CXCR5: variants seen among roughly 807,000 people sequenced by gnomAD.
CXCR5 encodes C-X-C motif chemokine receptor 5.
Under a neutral mutation model 5.6 loss-of-function variants are expected in CXCR5, and 3 were observed. The ratio of observed to expected loss-of-function variants is 0.54; its 90% CI spans 0.24 to 1.39. The LOEUF is 1.39. Ranked by LOEUF, CXCR5 falls within the 40% of genes most tolerant of loss-of-function variation. The pLI, the probability that CXCR5 is intolerant of heterozygous loss-of-function variation, is 0.16. For synonymous variants in CXCR5, 218 were observed against 219.9 expected (o/e 0.99, Z 0.08); for missense variants, 333 against 494.6 (o/e 0.67, Z 3.10).
chr11:118,891,011 C>T (rs1416913175), intron 1 of CXCR5, among the ~76,000 whole-genome samples: 1 of 152,102 alleles, frequency 6.6e-6, no homozygotes, highest in Non-Finnish European at 1.5e-5. Flanking sequence ...CTGTAGTGTG[C>T]TATGGTCACA....
At position 118,895,890 on chromosome 11, in the gene CXCR5, CCCT is replaced by C. The variant is rs2137663940; in HGVS notation, c.*1228_*1230del. The C allele has an allele frequency of 6.0e-6, 1 of 167,190 alleles. No homozygotes were observed. The highest frequency in any genetic ancestry group is 2.1e-4 in the South Asian group (1 of 4,824). The allele number at this position is 167,190 out of a possible 1,614,324, so 10.4% of individuals were successfully genotyped here. ...GGCCCGTCCGGCAGTTCTGGGTGCT[CCCT>C]ACCACCTCCCCAGCCTTTGATCAGG... On this transcript the variant is annotated 3_prime_UTR_variant, in exon 2 of 2. Coordinates refer to ENST00000292174, the MANE Select transcript of CXCR5 (RefSeq NM_001716.5). This position sits in a 1 kb window ranked among gnomAD's most constrained non-coding sequence, Gnocchi z 4.2.
In CXCR5 at chr11:118,895,501, C is replaced by G. The variant is rs1025880387; in HGVS notation, c.*838C>G. 6.0e-6 allele frequency: 1 copy of G among 166,862 alleles called. No homozygotes were observed. Among genetic ancestry groups the G allele is most frequent in the African/African-American group, 2.4e-5 (1 of 41,272 alleles). 10.3% of individuals were successfully genotyped at this position (166,862 alleles called of 1,614,324 possible). On this transcript the variant is annotated 3_prime_UTR_variant, in exon 2 of 2. Coordinates refer to ENST00000292174, the MANE Select transcript of CXCR5 (RefSeq NM_001716.5). The surrounding 1 kb of genome is among the most constrained non-coding windows in gnomAD (Gnocchi z 4.2). ...AGATGGATCAATCAAACCCGGCGGT[C>G]CCCTCCGCCAGGCGAGATGGGGTGG...
intron 1 of CXCR5, among the ~76,000 whole-genome samples, chr11:118,889,061 G>T (rs1275282545): frequency 6.6e-6 from 1 of 152,070 alleles, no homozygotes; most frequent in Non-Finnish European, 1.5e-5. Flanking sequence ...GTAACATTTT[G>T]GGCCCTACCA....
rs899703041 is a variant in CXCR5 at position 118,897,250 on chromosome 11, G to C, written c.*2587G>C. 2 of 158,106 alleles carry C rather than the reference G, an allele frequency of 1.3e-5. No homozygotes were observed. The highest frequency in any genetic ancestry group is 2.8e-5 in the Non-Finnish European group (2 of 71,160). 9.8% of individuals were successfully genotyped at this position (158,106 alleles called of 1,614,324 possible). A position where few individuals can be genotyped will look rare whatever the true frequency, so the allele number is the denominator to read the frequency against. The stretch of plus-strand genomic sequence containing the variant: ...AAAGTCAGGGCCCTGGAGGTTACCT[G>C]GCCCAGGGCTACTACAGCCACAGGC... On this transcript the variant is annotated 3_prime_UTR_variant, in exon 2 of 2. Transcript: ENST00000292174.
intron 1 of CXCR5, among the ~76,000 whole-genome samples, chr11:118,888,326 T>C (rs1051283699): frequency 6.6e-6 from 1 of 152,184 alleles, no homozygotes; most frequent in Admixed American, 6.5e-5. Flanking sequence ...GACTGCCCCC[T>C]GGAAGCTCAT....
intron 1 of CXCR5, among the ~76,000 whole-genome samples, chr11:118,891,302 T>C (rs1341621276): frequency 1.3e-5 from 2 of 152,116 alleles, no homozygotes; most frequent in Non-Finnish European, 2.9e-5. Flanking sequence ...TTCTGAAATT[T>C]AGCGATGTGT....
Position 118,895,758 on chromosome 11 carries a change from G to A in CXCR5, c.*1095G>A, listed in dbSNP as rs1443978754. On this transcript the variant is annotated 3_prime_UTR_variant, in exon 2 of 2. Transcript: ENST00000292174. The surrounding 1 kb of genome is among the most constrained non-coding windows in gnomAD (Gnocchi z 4.2). ...AAGTGTAAGAAACACACTGAGGCAG[G>A]GAAGTCCCCAGGCCCCAGGAAGCCG... is the stretch of plus-strand genomic sequence containing the variant. The A allele has an allele frequency of 1.2e-5, 2 of 167,268 alleles. No individual in the cohort carries two copies. The highest frequency in any genetic ancestry group is 6.5e-5 in the Admixed American group (1 of 15,290). 10.4% of individuals were successfully genotyped at this position (167,268 alleles called of 1,614,324 possible).
At chr11:118,884,877 C>T (rs780983003) in intron 1 of CXCR5, among the ~76,000 whole-genome samples, 7 of 152,110 alleles carry the variant, frequency 4.6e-5, no homozygotes, top group African/African-American at 7.2e-5. Context: ...TGTGAGCCGA[C>T]GGCAGAGGCT....
Position 118,893,565 on chromosome 11 carries a change from T to C in CXCR5, c.52-31T>C. Reference sequence around the variant, plus strand: ...CAGAGAGGAAAGACAGGTCCTTAGGTCCTCACCCTCCCGTCTCCTTGCCCT... The same window carrying C: ...CAGAGAGGAAAGACAGGTCCTTAGGCCCTCACCCTCCCGTCTCCTTGCCCT... On this transcript the variant is annotated intron_variant, in intron 1 of 1. Transcript: ENST00000292174. This position sits in a 1 kb window ranked among gnomAD's most constrained non-coding sequence, Gnocchi z 5.7. 6.5e-7 allele frequency: 1 copy of C among 1,541,006 alleles called. No individual in the cohort carries two copies. Among genetic ancestry groups the C allele is most frequent in the Non-Finnish European group, 8.8e-7 (1 of 1,140,698 alleles).
At chr11:118,887,431 G>A in intron 1 of CXCR5, 1 of 985,498 alleles carries the variant, frequency 1.0e-6, no homozygotes, top group African/African-American at 1.7e-5. Context: ...GCCAGGTGGG[G>A]CTCCCTTAAG....
rs550433075 is a variant in CXCR5 at position 118,893,549 on chromosome 11, A to G, written c.52-47A>G. 6 of 1,518,058 alleles carry G rather than the reference A, an allele frequency of 4.0e-6. No homozygotes were observed. The highest frequency in any genetic ancestry group is 1.8e-4 in the Middle Eastern group (1 of 5,598). 94.0% of individuals were successfully genotyped at this position (1,518,058 alleles called of 1,614,324 possible). A position where few individuals can be genotyped will look rare whatever the true frequency, so the allele number is the denominator to read the frequency against. ...GAGCTAGGGTTCCTCTCAGAGAGGA[A>G]AGACAGGTCCTTAGGTCCTCACCCT... On this transcript the variant is annotated intron_variant, in intron 1 of 1. Coordinates refer to ENST00000292174, the MANE Select transcript of CXCR5 (RefSeq NM_001716.5). This position sits in a 1 kb window ranked among gnomAD's most constrained non-coding sequence, Gnocchi z 5.7.
chr11:118,884,188 G>T (rs1314219996), intron 1 of CXCR5, among the ~76,000 whole-genome samples, 196 bp downstream of exon 1: 3 of 152,182 alleles, frequency 2.0e-5, no homozygotes. Flanking sequence ...AAGGAGAGCT[G>T]CTGTCCTTAG....
chr11:118,893,083 G>A lies in CXCR5; in HGVS notation c.52-513G>A, dbSNP rs1939837838. Among the ~76,000 whole-genome samples the A allele has an allele frequency of 6.6e-6, 1 of 152,220 alleles. No individual in the cohort carries two copies. Among genetic ancestry groups the A allele is most frequent in the Admixed American group, 6.5e-5 (1 of 15,286 alleles). On this transcript the variant is annotated intron_variant, in intron 1 of 1. Coordinates refer to ENST00000292174, the MANE Select transcript of CXCR5 (RefSeq NM_001716.5). The surrounding 1 kb of genome is among the most constrained non-coding windows in gnomAD (Gnocchi z 5.7). ...ATGGGAGGCTATTACTGCCATTTCA[G>A]TGATAACAGAGACAGTCAGGAACAG...
intron 1 of CXCR5, among the ~76,000 whole-genome samples, chr11:118,887,947 G>T (rs533913647): frequency 2.0e-5 from 3 of 152,222 alleles, no homozygotes; most frequent in Non-Finnish European, 4.4e-5. Context: ...AGTAAGCCAC[G>T]CATGCAGGCA....
At position 118,897,757 on chromosome 11, in the gene CXCR5, C is replaced by CTTTTT; in HGVS notation, c.*3100_*3104dup. 2.4e-6 allele frequency: 1 copy of CTTTTT among 415,076 alleles called. No individual in the cohort carries two copies. The highest frequency in any genetic ancestry group is 2.7e-5 in the Admixed American group (1 of 37,630). The allele number at this position is 415,076 out of a possible 1,614,324, so 25.7% of individuals were successfully genotyped here. Reference sequence around the variant, plus strand: ...GAAGGGGGGAAGGGTTTCTTTTATCCTTTTTTTTTTGTGTGACTTCTATCA... The same window carrying CTTTTT: ...GAAGGGGGGAAGGGTTTCTTTTATCCTTTTTTTTTTTTTTTGTGTGACTTCTATCA... On this transcript the variant is annotated 3_prime_UTR_variant, in exon 2 of 2. Coordinates refer to ENST00000292174, the MANE Select transcript of CXCR5 (RefSeq NM_001716.5).
At chr11:118,887,139 C>T (rs754012560) in intron 1 of CXCR5, 60 of 606,990 alleles carry the variant, frequency 9.9e-5, no homozygotes, top group Non-Finnish European at 1.1e-4. Context: ...AATATGGGTT[C>T]GGGCATACAA....
chr11:118,892,720 G>A (rs750807342), intron 1 of CXCR5, among the ~76,000 whole-genome samples: 215 of 152,128 alleles, frequency 1.4e-3, no homozygotes, highest in Admixed American at 3.9e-3. Context: ...GGGAACTTCC[G>A]GAGACATCAC....
chr11:118,884,206 C>G (rs891029276), intron 1 of CXCR5, among the ~76,000 whole-genome samples: 2 of 152,128 alleles, frequency 1.3e-5, no homozygotes, highest in Non-Finnish European at 2.9e-5. Context: ...TAGGAGACAT[C>G]CTTTAGAGGA....
At chr11:118,887,226 C>A (rs566601769) in intron 1 of CXCR5, 8 of 985,184 alleles carry the variant, frequency 8.1e-6, no homozygotes, top group South Asian at 9.4e-5. Context: ...TCTAGCAGAA[C>A]GGCAGAAACA....
Sources: gnomAD v4.1 joint callset for allele counts (sites outside exome capture counted in the v4.1 genomes callset) on GRCh38, gnomAD v4.1.1 for gene constraint, Gnocchi (gnomAD v3.1) non-coding constraint, MANE v1.5 for transcripts, NCBI Gene and HGNC (gene_info 2026-07-23, HGNC 2026-07-21) for gene names.